UBE3D: variants seen among roughly 807,000 people sequenced by gnomAD.
The protein encoded by UBE3D is E3 ubiquitin-protein ligase E3D.
A neutral mutation model predicts 49.6 loss-of-function variants in UBE3D; 48 were observed. That is an observed-to-expected ratio of 0.97 (90% CI 0.77 to 1.23). The LOEUF is 1.23. Ranked by LOEUF, UBE3D falls within the 50% of genes most tolerant of loss-of-function variation. UBE3D has a pLI of 0.00. For synonymous variants in UBE3D, 189 were observed against 174.2 expected (o/e 1.08, Z -0.67); for missense variants, 452 against 468.4 (o/e 0.96, Z 0.32).
chr6:82,955,108 T>C (rs77968057), intron 9 of UBE3D, among the ~76,000 whole-genome samples: 3,302 of 152,300 alleles, frequency 0.022, 56 homozygotes, highest in Non-Finnish European at 0.032. Flanking sequence ...ACCACACTAA[T>C]GCCGCCAATT....
At chr6:82,993,358 T>C (rs969701144) in intron 8 of UBE3D, among the ~76,000 whole-genome samples, 1 of 151,368 alleles carries the variant, frequency 6.6e-6, no homozygotes, top group Admixed American at 6.6e-5. Flanking sequence ...CGACAGAAAA[T>C]GGTTTCCCTC....
At chr6:82,992,462 A>T (rs1385793758) in intron 8 of UBE3D, among the ~76,000 whole-genome samples, 1 of 152,086 alleles carries the variant, frequency 6.6e-6, no homozygotes, top group Non-Finnish European at 1.5e-5. Context: ...ACCTCAGGTG[A>T]TCTGCCTGCC....
intron 8 of UBE3D, among the ~76,000 whole-genome samples, chr6:82,961,346 T>C (rs768937236): frequency 6.6e-6 from 1 of 152,252 alleles, no homozygotes; most frequent in Non-Finnish European, 1.5e-5. Flanking sequence ...TCACTTATCC[T>C]ATGCCTAACA....
At chr6:83,030,441 T>C (rs1361384003) in intron 5 of UBE3D, among the ~76,000 whole-genome samples, 1 of 152,196 alleles carries the variant, frequency 6.6e-6, no homozygotes, top group Admixed American at 6.5e-5. Context: ...CCTGCTACCC[T>C]GTAAGACCTG....
At chr6:82,966,113 A>G (rs1443208148) in intron 8 of UBE3D, among the ~76,000 whole-genome samples, 2 of 152,200 alleles carry the variant, frequency 1.3e-5, no homozygotes. Flanking sequence ...TAAGATCCAT[A>G]TATTGCAACT....
At chr6:82,910,016 C>T (rs1156839611) in intron 9 of UBE3D, among the ~76,000 whole-genome samples, 1 of 152,128 alleles carries the variant, frequency 6.6e-6, no homozygotes, top group Admixed American at 6.5e-5. Context: ...TGTTCATCAT[C>T]GATTAAACAC....
intron 1 of UBE3D, among the ~76,000 whole-genome samples, chr6:83,062,608 T>C (rs1784239717): frequency 6.6e-6 from 1 of 152,198 alleles, no homozygotes; most frequent in South Asian, 2.1e-4. Context: ...AACATTTTAA[T>C]TAGAACACAC....
chr6:82,952,529 A>ATCC (rs1468289244), intron 9 of UBE3D, among the ~76,000 whole-genome samples: 1 of 152,114 alleles, frequency 6.6e-6, no homozygotes, highest in Non-Finnish European at 1.5e-5. Context: ...GGCTCAAGCA[A>ATCC]TCCTCCTACT....
intron 8 of UBE3D, among the ~76,000 whole-genome samples, chr6:82,979,525 T>C (rs1193712043): frequency 2.0e-5 from 3 of 152,166 alleles, no homozygotes; most frequent in Non-Finnish European, 4.4e-5. Flanking sequence ...TCAGAAAATA[T>C]CCAACAACAT....
chr6:83,057,079 A>G (rs948175225), intron 2 of UBE3D, among the ~76,000 whole-genome samples: 2 of 152,238 alleles, frequency 1.3e-5, no homozygotes, highest in East Asian at 3.8e-4. Context: ...TAAATATAAC[A>G]GGCATAGTAA....
At chr6:82,927,259 G>A (rs1773826564) in intron 9 of UBE3D, among the ~76,000 whole-genome samples, 1 of 145,272 alleles carries the variant, frequency 6.9e-6, no homozygotes, top group African/African-American at 2.5e-5. Context: ...GGTGATTACT[G>A]TAGCTTTATA....
rs1776230591 is a variant in UBE3D, at chr6:82,957,344, G to A, written c.1117C>T (p.Pro373Ser). 4 of 1,613,938 alleles carry A rather than the reference G, an allele frequency of 2.5e-6. No homozygotes were observed. Among genetic ancestry groups the A allele is most frequent in the Non-Finnish European group, 3.4e-6 (4 of 1,180,002 alleles). The change falls in exon 9 of 10, where the codon CCT becomes TCT. Residue 373 changes from proline to serine, a missense_variant. Transcript: ENST00000369747. ...GAATTCACACGGCGAAGGGATGAAG[G>A]CAGATTGGCATTACTCTTTGACAAT... ...LILSKSNANLPSSLRRVNSFQ... is the reference protein window; with the variant it reads ...LILSKSNANLSSSLRRVNSFQ...
At chr6:82,961,710 C>A (rs1392662457) in intron 8 of UBE3D, among the ~76,000 whole-genome samples, 2 of 152,110 alleles carry the variant, frequency 1.3e-5, no homozygotes, top group Non-Finnish European at 1.5e-5. Context: ...GTATTTTGAT[C>A]TTTTTTTAAG....
intron 9 of UBE3D, among the ~76,000 whole-genome samples, chr6:82,898,863 G>A (rs1771528629): frequency 6.6e-6 from 1 of 151,952 alleles, no homozygotes; most frequent in Admixed American, 6.6e-5. Flanking sequence ...CTCTCTCTGG[G>A]CTGGGAGGCT....
intron 9 of UBE3D, among the ~76,000 whole-genome samples, chr6:82,919,689 C>A (rs1190019845): frequency 2.0e-5 from 3 of 152,000 alleles, no homozygotes; most frequent in African/African-American, 7.3e-5. Context: ...CCAGTGGAGA[C>A]CCTGGAGGTA....
At chr6:82,999,647 A>G (rs986867069) in intron 8 of UBE3D, among the ~76,000 whole-genome samples, 5 of 152,074 alleles carry the variant, frequency 3.3e-5, no homozygotes, top group African/African-American at 1.2e-4. Flanking sequence ...AGCCTCCCAA[A>G]GTGCTGGGAT....
chr6:82,957,396 A>G lies in UBE3D; in HGVS notation c.1065T>C (p.Ser355=), dbSNP rs1343173673. ...DISVHPLTLP[S]ATCLELLLIL... ...TCAACAGCAGCTCCAAGCAGGTTGC[A>G]GAGGGCAGGGTTAGCGGGTGGACGC... Residue 355 remains serine, a synonymous_variant, in exon 9 of 10, where the codon TCT becomes TCC. Transcript: ENST00000369747. 6.2e-7 allele frequency: 1 copy of G among 1,614,124 alleles called. No homozygotes were observed. The highest frequency in any genetic ancestry group is 1.1e-5 in the South Asian group (1 of 91,080).
At chr6:82,973,386 C>T (rs187893392) in intron 8 of UBE3D, among the ~76,000 whole-genome samples, 22 of 152,260 alleles carry the variant, frequency 1.4e-4, no homozygotes, top group African/African-American at 5.3e-4. Context: ...CAGTTTTATT[C>T]ACAGACTTTA....
intron 3 of UBE3D, among the ~76,000 whole-genome samples, chr6:83,046,008 G>A (rs926063344): frequency 1.3e-5 from 2 of 152,092 alleles, no homozygotes; most frequent in Non-Finnish European, 1.5e-5. Context: ...TCAAGATTAG[G>A]CTGGTGGTAT....
Sources: allele counts gnomAD v4.1 joint callset (sites outside exome capture counted in the v4.1 genomes callset), GRCh38; gene constraint gnomAD v4.1.1; transcripts MANE v1.5; gene names NCBI Gene and HGNC (gene_info 2026-07-23, HGNC 2026-07-21).